The following FGF12 variants were observed in gnomAD, a reference collection of about 807,000 sequenced individuals.
FGF12 encodes the protein fibroblast growth factor 12, also known as fibroblast growth factor 12B.
In FGF12, 14 loss-of-function variants were observed where a neutral mutation model predicts 23.6. That is an observed-to-expected ratio of 0.59 (90% CI 0.39 to 0.93). The LOEUF (loss-of-function observed/expected upper bound fraction) is 0.93. Ranked by LOEUF, FGF12 falls within the 40% of genes least tolerant of loss-of-function variation. The pLI, the probability that FGF12 is intolerant of heterozygous loss-of-function variation, is 0.00. For synonymous variants in FGF12, 62 were observed against 77.3 expected (o/e 0.80, Z 1.04); for missense variants, 175 against 217.8 (o/e 0.80, Z 1.24).
intron 2 of FGF12, among the ~76,000 whole-genome samples, chr3:192,446,951 TC>T (rs1722372392): frequency 6.6e-6 from 1 of 152,204 alleles, no homozygotes; most frequent in East Asian, 1.9e-4. Flanking sequence ...AGATTTCTAT[TC>T]ATCTTTTTAG....
intron 4 of FGF12, among the ~76,000 whole-genome samples, chr3:192,179,014 G>A (rs1716017265): frequency 6.6e-6 from 1 of 152,152 alleles, no homozygotes; most frequent in African/African-American, 2.4e-5. Context: ...GCCTTTAGAT[G>A]GAGAGAACTT....
intron 2 of FGF12, among the ~76,000 whole-genome samples, chr3:192,716,075 G>A (rs1000419054): frequency 2.6e-5 from 4 of 152,318 alleles, no homozygotes; most frequent in African/African-American, 4.8e-5. Context: ...GAGAATCTTA[G>A]ACTAGATTGT....
chr3:192,448,223 T>C (rs552484474), intron 2 of FGF12, among the ~76,000 whole-genome samples: 1 of 152,224 alleles, frequency 6.6e-6, no homozygotes, highest in Non-Finnish European at 1.5e-5. Context: ...AGTCTAGTCA[T>C]ACTGTTAGCA....
At chr3:192,426,633 T>C (rs1721695943) in intron 2 of FGF12, among the ~76,000 whole-genome samples, 1 of 152,270 alleles carries the variant, frequency 6.6e-6, no homozygotes, top group Non-Finnish European at 1.5e-5. Context: ...CCTAAATTAC[T>C]TGAGAGTTGT....
intron 2 of FGF12, among the ~76,000 whole-genome samples, chr3:192,492,614 G>A (rs961769807): frequency 3.9e-5 from 6 of 152,044 alleles, no homozygotes; most frequent in Non-Finnish European, 7.4e-5. Flanking sequence ...TATTTTTATA[G>A]TAGAAAAAAC....
intron 4 of FGF12, among the ~76,000 whole-genome samples, chr3:192,198,127 G>A (rs375023311): frequency 3.3e-5 from 5 of 151,468 alleles, no homozygotes; most frequent in Admixed American, 6.6e-5. Flanking sequence ...GATCCAGAAC[G>A]GTGCATCCAT....
intron 2 of FGF12, among the ~76,000 whole-genome samples, chr3:192,461,010 T>A (rs1722846769): frequency 6.6e-6 from 1 of 152,160 alleles, no homozygotes; most frequent in East Asian, 1.9e-4. Flanking sequence ...CTAAGTGATA[T>A]GGGGGCCAGT....
chr3:192,547,525 T>C (rs1255323943), intron 2 of FGF12, among the ~76,000 whole-genome samples: 1 of 152,196 alleles, frequency 6.6e-6, no homozygotes, highest in East Asian at 1.9e-4. Flanking sequence ...TTATAATTTA[T>C]AACAGGTTAT....
chr3:192,703,523 A>G (rs999531593), intron 2 of FGF12, among the ~76,000 whole-genome samples: 2 of 152,196 alleles, frequency 1.3e-5, no homozygotes, highest in African/African-American at 4.8e-5. Flanking sequence ...ACAACACTCA[A>G]GTTTGTCACA....
At chr3:192,438,243 TCTTC>T (rs1231747929) in intron 2 of FGF12, among the ~76,000 whole-genome samples, 1 of 152,252 alleles carries the variant, frequency 6.6e-6, no homozygotes, top group African/African-American at 2.4e-5. Flanking sequence ...CTTTGGTTCT[TCTTC>T]CTTCCTCTAA....
intron 4 of FGF12, among the ~76,000 whole-genome samples, chr3:192,225,392 G>A (rs1322871548): frequency 6.6e-6 from 1 of 151,906 alleles, no homozygotes; most frequent in African/African-American, 2.4e-5. Flanking sequence ...TCTCCCTCAT[G>A]CTAATCAATC....
intron 4 of FGF12, among the ~76,000 whole-genome samples, chr3:192,255,500 T>C (rs776629559): frequency 6.6e-6 from 1 of 152,038 alleles, no homozygotes; most frequent in South Asian, 2.1e-4. Flanking sequence ...GTAGGGATCA[T>C]GTTAAAATGC....
intron 2 of FGF12, among the ~76,000 whole-genome samples, chr3:192,601,761 C>T (rs1292028593): frequency 6.6e-6 from 1 of 152,100 alleles, no homozygotes; most frequent in Admixed American, 6.6e-5. Flanking sequence ...TGCATATCAC[C>T]AGTAAACATT....
chr3:192,689,313 C>T (rs984875164), intron 2 of FGF12, among the ~76,000 whole-genome samples: 28 of 152,112 alleles, frequency 1.8e-4, no homozygotes, highest in African/African-American at 5.8e-4. Context: ...GATCATTACA[C>T]ATTCTATGTA....
chr3:192,169,061 C>T (rs972857126), intron 5 of FGF12, among the ~76,000 whole-genome samples: 3 of 152,106 alleles, frequency 2.0e-5, no homozygotes, highest in Non-Finnish European at 4.4e-5. Context: ...TGAAAATAGG[C>T]CAGGCATGGT....
intron 5 of FGF12, among the ~76,000 whole-genome samples, chr3:192,159,905 A>T (rs998100128): frequency 6.6e-6 from 1 of 152,018 alleles, no homozygotes; most frequent in Non-Finnish European, 1.5e-5. Flanking sequence ...AACCAGTACT[A>T]GGGGATTACA....
intron 4 of FGF12, among the ~76,000 whole-genome samples, chr3:192,197,943 C>A: frequency 8.3e-6 from 1 of 119,918 alleles, no homozygotes; most frequent in African/African-American, 3.6e-5. Flanking sequence ...CGAAATTCCT[C>A]CTCAAAAAAA....
At position 192,456,359 on chromosome 3, in the gene FGF12, T is replaced by C. The variant is rs529077113; in HGVS notation, c.14-95821A>G. ...AGAGGTCATCTGAGACTTAGAGATA[T>C]CTTAGCCCAAAGCCTGCTGTCAAGC... On this transcript the variant is annotated intron_variant, in intron 2 of 5. Transcript: ENST00000445105. 4.8e-4 allele frequency among the ~76,000 whole-genome samples: 73 copies of C among 152,310 alleles called. No individual in the cohort carries two copies. In the South Asian group the frequency reaches 0.012, roughly 25 times the overall value.
At position 192,684,261 on chromosome 3, in the gene FGF12, T is replaced by A. The variant is rs189651013; in HGVS notation, c.13+42920A>T. 3.7e-3 allele frequency among the ~76,000 whole-genome samples: 556 copies of A among 152,322 alleles called. 5 individuals are homozygous for A. The highest frequency in any genetic ancestry group is 6.8e-3 in the Middle Eastern group (2 of 294). On this transcript the variant is annotated intron_variant, in intron 2 of 5. Transcript: ENST00000445105. The stretch of plus-strand genomic sequence containing the variant: ...GAGGGCACATGCTGTCCAAGCTGCC[T>A]GTGTTAACGGGGTTAAAACGGAAAT...
Sources: gnomAD v4.1 joint callset for allele counts (sites outside exome capture counted in the v4.1 genomes callset) on GRCh38, gnomAD v4.1.1 for gene constraint, MANE v1.5 for transcripts, NCBI Gene and HGNC (gene_info 2026-07-23, HGNC 2026-07-21) for gene names.